The following PDE4A variants were observed in gnomAD, a reference collection of about 807,000 sequenced individuals.
PDE4A encodes the protein phosphodiesterase 4A, also known as 3',5'-cyclic-AMP phosphodiesterase 4A.
Under a neutral mutation model 73.9 loss-of-function variants are expected in PDE4A, and 21 were observed. The ratio of observed to expected loss-of-function variants is 0.28; its 90% CI spans 0.20 to 0.41. The LOEUF is 0.41. Among genes scored for constraint, PDE4A ranks in the 10% least tolerant of loss-of-function variants. The pLI, the probability that PDE4A is intolerant of heterozygous loss-of-function variation, is 1.00. For synonymous variants in PDE4A, 463 were observed against 505.4 expected, an observed-to-expected ratio of 0.92 and a Z score of 1.13; for missense variants, 958 against 1,211.4, an observed-to-expected ratio of 0.79 and a Z score of 3.10.
intron 1 of PDE4A, among the ~76,000 whole-genome samples, chr19:10,421,747 C>G (rs1263777314): frequency 6.6e-6 from 1 of 152,140 alleles, no homozygotes; most frequent in African/African-American, 2.4e-5. Context: ...GGGCGCAGTC[C>G]CAGCACAGAG....
At chr19:10,464,697 A>T (rs2043334212) in intron 14 of PDE4A, among the ~76,000 whole-genome samples, 1 of 148,918 alleles carries the variant, frequency 6.7e-6, no homozygotes, top group Non-Finnish European at 1.5e-5. Context: ...GAGTCACCAT[A>T]CCCGGCCTTG....
chr19:10,434,123 TA>T (rs1448907704), intron 1 of PDE4A, among the ~76,000 whole-genome samples: 1 of 152,132 alleles, frequency 6.6e-6, no homozygotes, highest in Non-Finnish European at 1.5e-5. Context: ...CCATAGTATT[TA>T]TCCTTTATGT....
Position 10,465,683 on chromosome 19 carries a change from C to CTTTTTTTTTTTT in PDE4A, c.1927-1181_1927-1170dup, listed in dbSNP as rs749126870. ...TCATAGCAATAGTTTGTGGCTTTAG[C>CTTTTTTTTTTTT]TTTTTTTTTTTTTTTTTTTTTTTTT... On this transcript the variant is annotated intron_variant, in intron 14 of 14. Coordinates refer to ENST00000380702, the MANE Select transcript of PDE4A (RefSeq NM_001111307.2). Among the ~76,000 whole-genome samples, 29 of 48,380 alleles carry CTTTTTTTTTTTT rather than the reference C, an allele frequency of 6.0e-4. 7 individuals carry two copies. Among genetic ancestry groups the CTTTTTTTTTTTT allele is most frequent in the South Asian group, 1.0e-3 (1 of 966 alleles). 31.7% of individuals were successfully genotyped at this position (48,380 alleles called of 152,430 possible). A position where few individuals can be genotyped will look rare whatever the true frequency, so the allele number is the denominator to read the frequency against.
chr19:10,427,111 C>A (rs957639109), intron 1 of PDE4A, among the ~76,000 whole-genome samples: 1 of 151,558 alleles, frequency 6.6e-6, no homozygotes, highest in African/African-American at 2.4e-5. Flanking sequence ...ACCAGTCTGG[C>A]CAGGATGTTG....
chr19:10,459,465 C>G lies in PDE4A; in HGVS notation c.1167C>G (p.Arg389=). 6.2e-7 allele frequency: 1 copy of G among 1,614,184 alleles called. No individual in the cohort carries two copies. The highest frequency in any genetic ancestry group is 1.7e-5 in the Admixed American group (1 of 60,006). ...IFCVSDYAGG[R]SLTCIMYMIF... ...GCGTGTCGGATTACGCTGGAGGCCGCTCACTCACCTGCATCATGTACATGA... is the reference window on the plus strand; with the variant it reads ...GCGTGTCGGATTACGCTGGAGGCCGGTCACTCACCTGCATCATGTACATGA... The change falls in exon 9 of 15, where the codon CGC becomes CGG. Residue 389 remains arginine (R), a synonymous_variant. Transcript: ENST00000380702.
At chr19:10,431,560 C>G (rs934778487) in intron 1 of PDE4A, among the ~76,000 whole-genome samples, 1 of 152,228 alleles carries the variant, frequency 6.6e-6, no homozygotes, top group Non-Finnish European at 1.5e-5. Flanking sequence ...CTGGGAGTGA[C>G]AGGCCCCGAG....
intron 1 of PDE4A, among the ~76,000 whole-genome samples, chr19:10,431,806 CA>C (rs2042791812): frequency 6.6e-6 from 1 of 152,090 alleles, no homozygotes; most frequent in South Asian, 2.1e-4. Flanking sequence ...GAAGAGGGGC[CA>C]GGGCCTTTGG....
Position 10,420,848 on chromosome 19 carries a change from TC to T in PDE4A, c.89del (p.Pro30ArgfsTer36). On this transcript the variant is annotated frameshift_variant, in exon 1 of 15. Coordinates refer to ENST00000380702, the MANE Select transcript of PDE4A (RefSeq NM_001111307.2). LOFTEE classifies it high-confidence loss of function. The surrounding 1 kb of genome is among the most constrained non-coding windows in gnomAD (Gnocchi z 6.0). ...PREGQATLKP[P>X]PQHLWRQPRT... Reference sequence around the variant, plus strand: ...GGGAGGGCCAGGCCACCCTGAAGCCTCCCCCGCAGCACCTGTGGCGGCAGCC... The same window carrying T: ...GGGAGGGCCAGGCCACCCTGAAGCCTCCCCGCAGCACCTGTGGCGGCAGCC... 1.9e-6 allele frequency: 3 copies of T among 1,588,808 alleles called. No individual in the cohort carries two copies.
At chr19:10,432,748 T>C (rs1476830352) in intron 1 of PDE4A, among the ~76,000 whole-genome samples, 1 of 152,144 alleles carries the variant, frequency 6.6e-6, no homozygotes, top group African/African-American at 2.4e-5. Context: ...GAGGGCTTCT[T>C]GAAGGTGGCA....
chr19:10,467,704 ACTCTTGTC>A lies in PDE4A; in HGVS notation c.*93_*100del. ...GACCACCTCCTCCTCTGCCTCAAAG[ACTCTTGTC>A]CTCTTGTCCCTCCTGAGAAAAAAGA... is the stretch of plus-strand genomic sequence containing the variant. On this transcript the variant is annotated 3_prime_UTR_variant, in exon 15 of 15. Coordinates refer to ENST00000380702, the MANE Select transcript of PDE4A (RefSeq NM_001111307.2). The A allele has an allele frequency of 9.6e-7, 1 of 1,045,466 alleles. No individual in the cohort carries two copies. The highest frequency in any genetic ancestry group is 1.8e-5 in the South Asian group (1 of 56,042). 64.8% of individuals were successfully genotyped at this position (1,045,466 alleles called of 1,614,324 possible). A position where few individuals can be genotyped will look rare whatever the true frequency, so the allele number is the denominator to read the frequency against.
intron 1 of PDE4A, among the ~76,000 whole-genome samples, chr19:10,436,583 A>T (rs1195897028): frequency 6.6e-6 from 1 of 152,090 alleles, no homozygotes; most frequent in African/African-American, 2.4e-5. Context: ...CAGGACCTAT[A>T]TGTTAACTTA....
intron 1 of PDE4A, among the ~76,000 whole-genome samples, chr19:10,438,137 G>A (rs1249913519): frequency 4.2e-5 from 6 of 142,716 alleles, no homozygotes; most frequent in Admixed American, 1.4e-4. Context: ...TTTTTGAGAC[G>A]GAGTCTCGCT....
In PDE4A at chr19:10,467,630, C is replaced by A. The variant is rs2043402662; in HGVS notation, c.*9C>A. On this transcript the variant is annotated 3_prime_UTR_variant, in exon 15 of 15. Coordinates refer to ENST00000380702, the MANE Select transcript of PDE4A (RefSeq NM_001111307.2). ...GTGGAGACCCTACCTGATCCCCAGA[C>A]CTCTGTCCCTGTTCCCCTCCACTCC... 2 of 1,536,466 alleles carry A rather than the reference C, an allele frequency of 1.3e-6. No homozygotes were observed. The highest frequency in any genetic ancestry group is 2.7e-5 in the African/African-American group (2 of 72,896).
chr19:10,461,912 C>G lies in PDE4A; in HGVS notation c.1656C>G (p.Leu552=). ...CGGACATGTCCAAGCACATGACCCT[C>G]CTGGCTGACCTGAAGACCATGGTGG... ...LATDMSKHMT[L]LADLKTMVET... Residue 552 remains leucine, a synonymous_variant, in exon 13 of 15, where the codon CTC becomes CTG. Coordinates refer to ENST00000380702, the MANE Select transcript of PDE4A (RefSeq NM_001111307.2). 6.2e-7 allele frequency: 1 copy of G among 1,614,064 alleles called. No individual in the cohort carries two copies. The highest frequency in any genetic ancestry group is 8.5e-7 in the Non-Finnish European group (1 of 1,180,002).
chr19:10,429,914 G>A (rs1299577134), intron 1 of PDE4A, among the ~76,000 whole-genome samples: 1 of 152,096 alleles, frequency 6.6e-6, no homozygotes, highest in Non-Finnish European at 1.5e-5. Flanking sequence ...CAGAGATGCT[G>A]TAGAACCATT....
At chr19:10,450,756 C>CA (rs996365344) in intron 5 of PDE4A, 73 bp from the exon 6 acceptor site, 97 of 1,578,410 alleles carry the variant, frequency 6.1e-5, no homozygotes, top group Non-Finnish European at 7.8e-5. Flanking sequence ...CGAACCCCGT[C>CA]ACGGCGGTCT....
upstream of PDE4A, chr19:10,420,454 C>T (rs1459998963): frequency 2.3e-5 from 4 of 175,246 alleles, no homozygotes; most frequent in Non-Finnish European, 2.4e-5. The surrounding 1 kb of genome is among the most constrained non-coding windows in gnomAD (Gnocchi z 6.0). Flanking sequence ...CCGCGGCGGG[C>T]GGGGGGCGGG....
Position 10,420,697 on chromosome 19 carries a change from C to T in PDE4A, c.-68C>T. The T allele has an allele frequency of 7.2e-7, 1 of 1,393,802 alleles. No homozygotes were observed. Among genetic ancestry groups the T allele is most frequent in the South Asian group, 1.6e-5 (1 of 62,442 alleles). The allele number at this position is 1,393,802 out of a possible 1,614,324, so 86.3% of individuals were successfully genotyped here. A position where few individuals can be genotyped will look rare whatever the true frequency, so the allele number is the denominator to read the frequency against. On this transcript the variant is annotated 5_prime_UTR_variant, in exon 1 of 15. Transcript: ENST00000380702. This position sits in a 1 kb window ranked among gnomAD's most constrained non-coding sequence, Gnocchi z 6.0. ...GCGGGGCCCTGGGCTCGCTGGCTTG[C>T]GCGCAGCTGAGCGGGGTGTAGGTTG...
chr19:10,437,427 C>CTT (rs201031451), intron 1 of PDE4A, among the ~76,000 whole-genome samples: 6 of 149,252 alleles, frequency 4.0e-5, no homozygotes, highest in Middle Eastern at 3.2e-3. Flanking sequence ...CGGCCTTTTT[C>CTT]TTTTTTTTTT....
Sources: gnomAD v4.1 joint callset for allele counts (sites outside exome capture counted in the v4.1 genomes callset) on GRCh38, gnomAD v4.1.1 for gene constraint, Gnocchi (gnomAD v3.1) non-coding constraint, MANE v1.5 for transcripts, NCBI Gene and HGNC (gene_info 2026-07-23, HGNC 2026-07-21) for gene names.